PXN: variants seen among roughly 807,000 people sequenced by gnomAD.
The protein encoded by PXN is testicular tissue protein Li 134.
Under a neutral mutation model 103.6 loss-of-function variants are expected in PXN, and 61 were observed. That is an observed-to-expected ratio of 0.59 (90% CI 0.48 to 0.73). PXN has a LOEUF of 0.73. PXN is among the 30% of genes least tolerant of loss of function. The pLI, the probability that PXN is intolerant of heterozygous loss-of-function variation, is 0.00. For synonymous variants in PXN, 562 were observed against 607.8 expected, an observed-to-expected ratio of 0.92 and a Z score of 1.11; for missense variants, 1,274 against 1,460.3, an observed-to-expected ratio of 0.87 and a Z score of 2.08.
In PXN at chr12:120,224,462, A is replaced by G. The variant is rs769014060; in HGVS notation, c.14-85T>C. 2 of 971,292 alleles carry G rather than the reference A, an allele frequency of 2.1e-6. No homozygotes were observed. Among genetic ancestry groups the G allele is most frequent in the Admixed American group, 3.4e-5 (2 of 59,188 alleles). The allele number at this position is 971,292 out of a possible 1,614,324, so 60.2% of individuals were successfully genotyped here. The stretch of plus-strand genomic sequence containing the variant: ...CAGGGCCCTCCCTGCCTGCACCTCA[A>G]GAGTTAATGCCTTCTAGCACCTGCC... On this transcript the variant is annotated intron_variant, in intron 1 of 14. Coordinates refer to ENST00000637617, the MANE Select transcript of PXN (RefSeq NM_001385981.1). The surrounding 1 kb of genome is among the most constrained non-coding windows in gnomAD (Gnocchi z 5.0).
At chr12:120,249,624 A>G (rs1891818922) in intron 1 of PXN, among the ~76,000 whole-genome samples, 1 of 152,194 alleles carries the variant, frequency 6.6e-6, no homozygotes, top group Non-Finnish European at 1.5e-5. Flanking sequence ...AGAGGCACAA[A>G]CAGGATGTTT....
intron 1 of PXN, among the ~76,000 whole-genome samples, chr12:120,263,314 C>T (rs1214540744): frequency 1.3e-5 from 2 of 152,214 alleles, no homozygotes; most frequent in African/African-American, 2.4e-5. Flanking sequence ...CCCCAGGCTC[C>T]GGTCAGTCAG....
At chr12:120,234,450 G>A (rs898980920) in intron 1 of PXN, among the ~76,000 whole-genome samples, 1 of 152,008 alleles carries the variant, frequency 6.6e-6, no homozygotes. Flanking sequence ...TTTGCTCTTG[G>A]GGACTTTGGC....
Position 120,249,757 on chromosome 12 carries a change from C to T in PXN, c.13+15860G>A, listed in dbSNP as rs138068000. 385 of 768,912 alleles carry T rather than the reference C, an allele frequency of 5.0e-4. 1 individual carries two copies. The African/African-American group carries it at 6.4e-3, about 13-fold the overall frequency. The allele number at this position is 768,912 out of a possible 1,614,324, so 47.6% of individuals were successfully genotyped here. ...AGACCAGACAAAAAGACTTCAAGTG[C>T]CAACTTCCAAAGAGAGAGAAGGGGG... On this transcript the variant is annotated intron_variant, in intron 1 of 14. Transcript: ENST00000637617.
intron 1 of PXN, among the ~76,000 whole-genome samples, chr12:120,262,073 G>A (rs1030317799): frequency 6.6e-6 from 1 of 152,192 alleles, no homozygotes; most frequent in Non-Finnish European, 1.5e-5. Flanking sequence ...CACACAGAGG[G>A]ACCACAGACA....
intron 1 of PXN, among the ~76,000 whole-genome samples, chr12:120,263,315 G>A (rs542885391): frequency 2.6e-5 from 4 of 152,176 alleles, no homozygotes; most frequent in East Asian, 1.9e-4. Flanking sequence ...CCCAGGCTCC[G>A]GTCAGTCAGG....
At chr12:120,233,299 T>A (rs886421604) in intron 1 of PXN, among the ~76,000 whole-genome samples, 9 of 152,140 alleles carry the variant, frequency 5.9e-5, no homozygotes, top group Non-Finnish European at 1.2e-4. Flanking sequence ...ACAGCATGGA[T>A]ACCCTCATAG....
chr12:120,261,770 T>C (rs1298500302), intron 1 of PXN, among the ~76,000 whole-genome samples: 1 of 152,254 alleles, frequency 6.6e-6, no homozygotes, highest in East Asian at 1.9e-4. Context: ...TACTGAGATA[T>C]TCCCTCAAAA....
chr12:120,257,701 G>A (rs547587873), intron 1 of PXN, among the ~76,000 whole-genome samples: 1 of 152,330 alleles, frequency 6.6e-6, no homozygotes, highest in African/African-American at 2.4e-5. Context: ...GATTCCAGGA[G>A]GGGGAGCCTG....
Position 120,213,705 on chromosome 12 carries a change from G to A in PXN, c.2979+137C>T. On this transcript the variant is annotated intron_variant, in intron 14 of 14. Coordinates refer to ENST00000637617, the MANE Select transcript of PXN (RefSeq NM_001385981.1). The surrounding 1 kb of genome is among the most constrained non-coding windows in gnomAD (Gnocchi z 4.2). ...CCAGGACCTACTGGACTGGAGGAAG[G>A]AGATCCCCTGCCTGCTCCCCCAATT... The A allele has an allele frequency of 8.0e-7, 1 of 1,252,240 alleles. No homozygotes were observed. Among genetic ancestry groups the A allele is most frequent in the Non-Finnish European group, 1.1e-6 (1 of 912,076 alleles). 77.6% of individuals were successfully genotyped at this position (1,252,240 alleles called of 1,614,324 possible).
chr12:120,258,066 G>A (rs759332446), intron 1 of PXN, among the ~76,000 whole-genome samples: 1 of 152,108 alleles, frequency 6.6e-6, no homozygotes, highest in African/African-American at 2.4e-5. Context: ...GATGACGCAC[G>A]CCCATAATCC....
intron 1 of PXN, among the ~76,000 whole-genome samples, chr12:120,259,976 C>T (rs1443558636): frequency 1.3e-5 from 2 of 152,194 alleles, no homozygotes; most frequent in South Asian, 2.1e-4. Flanking sequence ...GGAGCATGTT[C>T]GGGTGCAGCG....
Position 120,212,220 on chromosome 12 carries a change from G to T in PXN, c.*94C>A. Reference sequence around the variant, plus strand: ...AGGACAAGGGTTCCAGTTTCAGTCGGGTTTACCCCTTCACCCCCGGGTGAA... The same window carrying T: ...AGGACAAGGGTTCCAGTTTCAGTCGTGTTTACCCCTTCACCCCCGGGTGAA... On this transcript the variant is annotated 3_prime_UTR_variant, in exon 15 of 15. Transcript: ENST00000637617. This position sits in a 1 kb window ranked among gnomAD's most constrained non-coding sequence, Gnocchi z 7.2. The T allele has an allele frequency of 6.6e-7, 1 of 1,505,086 alleles. No homozygotes were observed. Among genetic ancestry groups the T allele is most frequent in the Non-Finnish European group, 8.9e-7 (1 of 1,117,544 alleles). The allele number at this position is 1,505,086 out of a possible 1,614,324, so 93.2% of individuals were successfully genotyped here. A position where few individuals can be genotyped will look rare whatever the true frequency, so the allele number is the denominator to read the frequency against.
At position 120,265,509 on chromosome 12, in the gene PXN, G is replaced by C. The variant is rs1193995936; in HGVS notation, c.13+108C>G. 6 of 1,294,428 alleles carry C rather than the reference G, an allele frequency of 4.6e-6. No homozygotes were observed. The Admixed American group carries it at 1.1e-4, about 23-fold the overall frequency. The allele number at this position is 1,294,428 out of a possible 1,614,324, so 80.2% of individuals were successfully genotyped here. On this transcript the variant is annotated intron_variant, in intron 1 of 14. Transcript: ENST00000637617. The surrounding 1 kb of genome is among the most constrained non-coding windows in gnomAD (Gnocchi z 5.7). ...GCCGGCAGGGACAGGAGCTGAGGCC[G>C]GGGCCGCCGAGGGTGGGATCCCGCG...
Position 120,215,687 on chromosome 12 carries a change from A to G in PXN, c.2302-26T>C. The G allele has an allele frequency of 6.4e-7, 1 of 1,572,902 alleles. No individual in the cohort carries two copies. The highest frequency in any genetic ancestry group is 8.6e-7 in the Non-Finnish European group (1 of 1,163,882). Reference sequence around the variant, plus strand: ...CTTAGATAGGGGAAGAGATGAGGGTAAGAAATCTTTTTTAAAAATTAAGAA... The same window carrying G: ...CTTAGATAGGGGAAGAGATGAGGGTGAGAAATCTTTTTTAAAAATTAAGAA... On this transcript the variant is annotated intron_variant, in intron 9 of 14. Coordinates refer to ENST00000637617, the MANE Select transcript of PXN (RefSeq NM_001385981.1). The surrounding 1 kb of genome is among the most constrained non-coding windows in gnomAD (Gnocchi z 4.9).
intron 1 of PXN, among the ~76,000 whole-genome samples, chr12:120,230,154 G>C (rs1041123837): frequency 6.6e-6 from 1 of 152,222 alleles, no homozygotes; most frequent in Non-Finnish European, 1.5e-5. Flanking sequence ...AGCTTCCTTA[G>C]GAGCTGACAA....
rs1428607361 is a variant in PXN at position 120,214,591 on chromosome 12, G to T, written c.2748+234C>A. ...TCCTCAGGGCTCCTGAGTCCTGGGA[G>T]TCTCCACAGAAAGGAATCGAGATGG... On this transcript the variant is annotated intron_variant, in intron 12 of 14. Coordinates refer to ENST00000637617, the MANE Select transcript of PXN (RefSeq NM_001385981.1). The surrounding 1 kb of genome is among the most constrained non-coding windows in gnomAD (Gnocchi z 5.0). Among the ~76,000 whole-genome samples the T allele has an allele frequency of 1.3e-5, 2 of 152,186 alleles. No homozygotes were observed. Among genetic ancestry groups the T allele is most frequent in the Non-Finnish European group, 2.9e-5 (2 of 68,034 alleles).
intron 1 of PXN, among the ~76,000 whole-genome samples, chr12:120,263,053 C>G (rs1260690858): frequency 6.6e-6 from 1 of 152,160 alleles, no homozygotes; most frequent in Non-Finnish European, 1.5e-5. Flanking sequence ...GTGATGCACC[C>G]TCTGGCCTTG....
In PXN at chr12:120,212,158, G is replaced by T; in HGVS notation, c.*156C>A. ...TGGCAGGGGTGAAGACAAGCAGGGG[G>T]ACCCCTCACGGCCCTCTGTCCATCC... On this transcript the variant is annotated 3_prime_UTR_variant, in exon 15 of 15. Coordinates refer to ENST00000637617, the MANE Select transcript of PXN (RefSeq NM_001385981.1). This position sits in a 1 kb window ranked among gnomAD's most constrained non-coding sequence, Gnocchi z 7.2. 1 of 1,124,150 alleles carries T rather than the reference G, an allele frequency of 8.9e-7. No individual in the cohort carries two copies. The highest frequency in any genetic ancestry group is 1.3e-6 in the Non-Finnish European group (1 of 776,618). 69.6% of individuals were successfully genotyped at this position (1,124,150 alleles called of 1,614,324 possible). A position where few individuals can be genotyped will look rare whatever the true frequency, so the allele number is the denominator to read the frequency against.
Sources: allele counts gnomAD v4.1 joint callset (sites outside exome capture counted in the v4.1 genomes callset), GRCh38; gene constraint gnomAD v4.1.1; non-coding constraint Gnocchi (gnomAD v3.1); transcripts MANE v1.5; gene names NCBI Gene and HGNC (gene_info 2026-07-23, HGNC 2026-07-21).